The following LGALS12 variants were observed in gnomAD, a reference collection of about 807,000 sequenced individuals.
LGALS12 encodes the protein galectin 12, also known as galectin-12.
A neutral mutation model predicts 36.8 loss-of-function variants in LGALS12; 36 were observed. The observed-to-expected ratio is 0.98, with a 90% CI of 0.75 to 1.29. The LOEUF is 1.29. Among genes scored for constraint, LGALS12 ranks in the 50% most tolerant of loss-of-function variants. LGALS12 has a pLI of 0.00. For synonymous variants in LGALS12, 145 were observed against 155.9 expected (o/e 0.93, Z 0.52); for missense variants, 366 against 394.3 (o/e 0.93, Z 0.61).
intron 8 of LGALS12, 63 bp from the exon 9 acceptor site, chr11:63,516,184 C>T (rs1332009677): frequency 7.3e-6 from 11 of 1,512,898 alleles, no homozygotes; most frequent in South Asian, 1.3e-5. Context: ...CTGGAGAGAG[C>T]GTCAGGCAGA....
chr11:63,510,425 C>T (rs1722861), intron 4 of LGALS12, 38 bp from the exon 5 acceptor site: 1 of 1,610,918 alleles, frequency 6.2e-7, no homozygotes, highest in Non-Finnish European at 8.5e-7. Flanking sequence ...TTGCAGTGGT[C>T]CTAAATGCTG....
At position 63,516,550 on chromosome 11, in the gene LGALS12, T is replaced by C; in HGVS notation, c.*157T>C. ...ACTGAGTCTACAGGAGCTTTGGGCC[T>C]GAGGGAAGGCACAAGAGTGCAAAGG... is the stretch of plus-strand genomic sequence containing the variant. On this transcript the variant is annotated 3_prime_UTR_variant, in exon 9 of 9. Coordinates refer to ENST00000394618, the MANE Select transcript of LGALS12 (RefSeq NM_033101.4). 1.2e-6 allele frequency: 1 copy of C among 845,504 alleles called. No homozygotes were observed. The highest frequency in any genetic ancestry group is 1.9e-6 in the Non-Finnish European group (1 of 538,114). 52.4% of individuals were successfully genotyped at this position (845,504 alleles called of 1,614,324 possible).
intron 4 of LGALS12, 88 bp downstream of exon 4, chr11:63,509,985 C>T: frequency 6.8e-7 from 1 of 1,470,098 alleles, no homozygotes; most frequent in South Asian, 1.3e-5. Flanking sequence ...TTCCTCCACC[C>T]TAGACTGAGA....
chr11:63,507,658 G>C (rs985854792), intron 1 of LGALS12, among the ~76,000 whole-genome samples: 1 of 150,530 alleles, frequency 6.6e-6, no homozygotes, highest in Non-Finnish European at 1.5e-5. Flanking sequence ...AGAGACAGGA[G>C]GAACAGCCCA....
In LGALS12 at chr11:63,510,538, C is replaced by G. The variant is rs748330849; in HGVS notation, c.531+37C>G. 4.4e-6 allele frequency: 7 copies of G among 1,607,386 alleles called. No individual in the cohort carries two copies. In the South Asian group the frequency reaches 6.6e-5, roughly 15 times the overall value. Reference sequence around the variant, plus strand: ...GGCAGCAAGGTCTGAGCAGCCACACCAGCTGACCCGCCCTTCTGGACTGCT... The same window carrying G: ...GGCAGCAAGGTCTGAGCAGCCACACGAGCTGACCCGCCCTTCTGGACTGCT... On this transcript the variant is annotated intron_variant, in intron 5 of 8. Transcript: ENST00000394618.
At chr11:63,515,849 C>T (rs1022988155) in intron 8 of LGALS12, 136 bp downstream of exon 8, 9 of 889,690 alleles carry the variant, frequency 1.0e-5, no homozygotes, top group East Asian at 2.6e-5. Flanking sequence ...CAGAGCACAG[C>T]GAATGTCTGT....
In LGALS12 at chr11:63,516,294, G is replaced by A. The variant is rs746909215; in HGVS notation, c.846G>A (p.Gly282=). ...QEGGLKLALN[G]QGLGATSMNQ... The stretch of plus-strand genomic sequence containing the variant: ...GAGGGCTGAAGCTGGCGCTCAATGG[G>A]CAGGGGCTGGGGGCCACCAGCATGA... The change falls in exon 9 of 9, where the codon GGG becomes GGA. Residue 282 remains glycine, a synonymous_variant. Transcript: ENST00000394618. 1.9e-6 allele frequency: 3 copies of A among 1,608,556 alleles called. No homozygotes were observed. The highest frequency in any genetic ancestry group is 2.5e-6 in the Non-Finnish European group (3 of 1,177,512).
chr11:63,516,187 C>T, intron 8 of LGALS12, 60 bp from the exon 9 acceptor site: 2 of 1,517,692 alleles, frequency 1.3e-6, no homozygotes, highest in Non-Finnish European at 1.8e-6. Context: ...GAGAGAGCGT[C>T]AGGCAGACAA....
chr11:63,516,612 G>C lies in LGALS12; in HGVS notation c.*219G>C. 1.7e-6 allele frequency: 1 copy of C among 590,990 alleles called. No individual in the cohort carries two copies. The highest frequency in any genetic ancestry group is 3.0e-6 in the Non-Finnish European group (1 of 335,528). The allele number at this position is 590,990 out of a possible 1,614,324, so 36.6% of individuals were successfully genotyped here. ...CTGCACCTTCCTCCACCAGGAGCCT[G>C]GGATATGGCTCCATCTGCCTTCAGG... is the stretch of plus-strand genomic sequence containing the variant. On this transcript the variant is annotated 3_prime_UTR_variant, in exon 9 of 9. Transcript: ENST00000394618.
intron 7 of LGALS12, among the ~76,000 whole-genome samples, chr11:63,515,199 CACTT>C (rs1306681403): frequency 6.6e-6 from 1 of 152,214 alleles, no homozygotes; most frequent in Non-Finnish European, 1.5e-5. Context: ...TAATACCTGG[CACTT>C]AGTTAGCATT....
Position 63,508,945 on chromosome 11 carries a change from G to C in LGALS12, c.326G>C (p.Gly109Ala). ...ARWPHLALRR[G>A]SSFLILFLFG... ...TGGCCCCACCTGGCCCTGCGAAGAG[G>C]CTCCAGCTTCCTCATCCTCTTTCTC... The change falls in exon 3 of 9, where the codon GGC (glycine) becomes GCC (alanine). Residue 109 changes from glycine to alanine, a missense_variant. By Grantham distance (60) the Gly-to-Ala change is moderately conservative. Coordinates refer to ENST00000394618, the MANE Select transcript of LGALS12 (RefSeq NM_033101.4). The C allele has an allele frequency of 6.2e-7, 1 of 1,614,206 alleles. No homozygotes were observed. Among genetic ancestry groups the C allele is most frequent in the Non-Finnish European group, 8.5e-7 (1 of 1,180,002 alleles).
At chr11:63,515,365 T>A (rs1007232261) in intron 7 of LGALS12, among the ~76,000 whole-genome samples, 198 bp from the exon 8 acceptor site, 3 of 152,222 alleles carry the variant, frequency 2.0e-5, no homozygotes, top group African/African-American at 7.2e-5. Flanking sequence ...AATCTCAAGT[T>A]CATCTAGAAC....
At position 63,508,885 on chromosome 11, in the gene LGALS12, C is replaced by T; in HGVS notation, c.266C>T (p.Thr89Ile). 2.5e-6 allele frequency: 4 copies of T among 1,614,266 alleles called. No individual in the cohort carries two copies. Among genetic ancestry groups the T allele is most frequent in the Admixed American group, 1.7e-5 (1 of 60,032 alleles). ...HTTKPHVICN[T>I]LHGGRWQREA... ...ACCAAGCCCCATGTCATCTGCAACA[C>T]CCTGCATGGTGGACGCTGGCAAAGG... is the stretch of plus-strand genomic sequence containing the variant. The change falls in exon 3 of 9, where the codon ACC becomes ATC. Residue 89 changes from threonine to isoleucine, a missense_variant. Physicochemically the swap from Thr to Ile is moderately conservative, Grantham distance 89. Coordinates refer to ENST00000394618, the MANE Select transcript of LGALS12 (RefSeq NM_033101.4).
intron 7 of LGALS12, among the ~76,000 whole-genome samples, chr11:63,514,123 G>A (rs865813695): frequency 4.6e-5 from 7 of 152,150 alleles, no homozygotes; most frequent in African/African-American, 7.2e-5. Flanking sequence ...GGAAACTTAC[G>A]GGGCCTCCTC....
chr11:63,509,687 T>C (rs1281032257), intron 3 of LGALS12, 91 bp from the exon 4 acceptor site: 1 of 1,450,368 alleles, frequency 6.9e-7, no homozygotes, highest in Non-Finnish European at 9.5e-7. Context: ...GAGGCAAAAT[T>C]GAGGAAAAAG....
chr11:63,514,859 T>C (rs2017031719), intron 7 of LGALS12, among the ~76,000 whole-genome samples: 1 of 151,396 alleles, frequency 6.6e-6, no homozygotes, highest in African/African-American at 2.4e-5. Flanking sequence ...TCACATACAT[T>C]ATCTCCTTTG....
At chr11:63,514,822 C>G (rs1312969220) in intron 7 of LGALS12, among the ~76,000 whole-genome samples, 1 of 151,804 alleles carries the variant, frequency 6.6e-6, no homozygotes, top group African/African-American at 2.4e-5. Flanking sequence ...TGTAAAACAC[C>G]TACTGTGTGC....
chr11:63,511,177 T>A, intron 6 of LGALS12, 72 bp downstream of exon 6: 1 of 1,346,168 alleles, frequency 7.4e-7, no homozygotes, highest in Non-Finnish European at 1.1e-6. Flanking sequence ...GAGCTCAGCC[T>A]GGTAGGACAT....
intron 5 of LGALS12, 117 bp from the exon 6 acceptor site, chr11:63,510,962 C>G: frequency 1.0e-6 from 1 of 993,400 alleles, no homozygotes; most frequent in Admixed American, 1.9e-5. Flanking sequence ...AATGACTCAC[C>G]TACTGCTGTG....
Sources: gnomAD v4.1 joint callset for allele counts (sites outside exome capture counted in the v4.1 genomes callset) on GRCh38, gnomAD v4.1.1 for gene constraint, MANE v1.5 for transcripts, NCBI Gene and HGNC (gene_info 2026-07-23, HGNC 2026-07-21) for gene names.